Variants in PLS1 observed in about 807,000 individuals in gnomAD.
PLS1 encodes the protein plastin 1, also known as plastin-1.
PLS1 carries 32 observed loss-of-function variants against 73.7 expected under a neutral mutation model. The observed-to-expected ratio is 0.43, with a 90% CI of 0.33 to 0.58. The LOEUF (loss-of-function observed/expected upper bound fraction) is 0.58. Ranked by LOEUF, PLS1 falls within the 20% of genes least tolerant of loss-of-function variation. The probability of loss-of-function intolerance (pLI) is 0.04; values close to 1 mark genes in which losing one functional copy is unlikely to be tolerated. For missense variants in PLS1, 633 were observed against 740.5 expected, an observed-to-expected ratio of 0.85 and a Z score of 1.68; for synonymous variants, 217 against 261.3, an observed-to-expected ratio of 0.83 and a Z score of 1.63.
chr3:142,612,189 C>T (rs1027513756), intron 1 of PLS1, among the ~76,000 whole-genome samples: 3 of 152,174 alleles, frequency 2.0e-5, no homozygotes, highest in Admixed American at 6.5e-5. Context: ...ACTGGTTTAA[C>T]TTTAACTTGT....
intron 13 of PLS1, 37 bp from the exon 14 acceptor site, chr3:142,704,426 C>T (rs779993662): frequency 6.5e-7 from 1 of 1,543,222 alleles, no homozygotes; most frequent in Admixed American, 1.9e-5. Context: ...CAAATTTCAC[C>T]CTTTTCAGTC....
intron 1 of PLS1, among the ~76,000 whole-genome samples, chr3:142,647,634 C>G (rs1398261590): frequency 6.6e-6 from 1 of 151,996 alleles, no homozygotes; most frequent in Non-Finnish European, 1.5e-5. Context: ...TCCCAAGTAG[C>G]TGGGATTACA....
intron 1 of PLS1, among the ~76,000 whole-genome samples, chr3:142,597,818 C>G (rs6414350): frequency 0.59 from 89,002 of 152,064 alleles, 26,483 homozygotes; most frequent in African/African-American, 0.7. Flanking sequence ...ATTAAACTTC[C>G]TTTTTCTCTT....
chr3:142,706,854 C>A (rs990604553), intron 14 of PLS1, among the ~76,000 whole-genome samples: 1 of 152,014 alleles, frequency 6.6e-6, no homozygotes, highest in African/African-American at 2.4e-5. Context: ...AAACAGATAA[C>A]ACTAATAGAA....
chr3:142,680,995 T>C (rs539188803), intron 6 of PLS1, among the ~76,000 whole-genome samples: 1 of 152,268 alleles, frequency 6.6e-6, no homozygotes, highest in South Asian at 2.1e-4. Context: ...TTAACCTGTG[T>C]CCTTCATTTG....
chr3:142,640,369 G>A (rs2036804897), intron 1 of PLS1, among the ~76,000 whole-genome samples: 1 of 152,116 alleles, frequency 6.6e-6, no homozygotes, highest in Admixed American at 6.5e-5. Flanking sequence ...AGTTTTCAGA[G>A]ATAACTTGAA....
chr3:142,664,246 C>T lies in PLS1; in HGVS notation c.9C>T (p.Asn3=), dbSNP rs745712760. 1.3e-6 allele frequency: 2 copies of T among 1,571,670 alleles called. No homozygotes were observed. Among genetic ancestry groups the T allele is most frequent in the East Asian group, 4.5e-5 (2 of 44,452 alleles). ...GTCTTTTCTGTCCAAAGATGGAAAA[C>T]AGTACTACTACCATTTCTCGGGAGG... The part of the protein sequence containing the change: ME[N]STTTISREEL... The change falls in exon 2 of 16, where the codon AAC becomes AAT. Residue 3 remains asparagine, a synonymous_variant. Transcript: ENST00000457734.
At chr3:142,690,026 T>C (rs2038055573) in intron 10 of PLS1, among the ~76,000 whole-genome samples, 1 of 152,172 alleles carries the variant, frequency 6.6e-6, no homozygotes, top group Admixed American at 6.5e-5. Flanking sequence ...CATAAGAGGT[T>C]AGTGAAAACT....
chr3:142,683,953 A>G, intron 6 of PLS1, 53 bp from the exon 7 acceptor site: 2 of 1,335,972 alleles, frequency 1.5e-6, no homozygotes, highest in Admixed American at 4.3e-5. Context: ...ATTTTTATAG[A>G]TAAGACCTTA....
intron 2 of PLS1, among the ~76,000 whole-genome samples, chr3:142,668,984 A>G (rs2037541163): frequency 6.6e-6 from 1 of 152,166 alleles, no homozygotes; most frequent in African/African-American, 2.4e-5. Flanking sequence ...TAAAATATAT[A>G]TGGTGGCCCT....
At chr3:142,706,955 G>A (rs975888459) in intron 14 of PLS1, among the ~76,000 whole-genome samples, 4 of 152,118 alleles carry the variant, frequency 2.6e-5, no homozygotes, top group African/African-American at 9.7e-5. Flanking sequence ...GAAAATGGGG[G>A]TGGTGAAAGG....
intron 1 of PLS1, among the ~76,000 whole-genome samples, chr3:142,652,095 G>GAACCA (rs2037107533): frequency 6.6e-6 from 1 of 152,196 alleles, no homozygotes; most frequent in Admixed American, 6.5e-5. Flanking sequence ...AGGACTTCAG[G>GAACCA]AACCAGCAAG....
chr3:142,620,217 C>G (rs956172196), intron 1 of PLS1, among the ~76,000 whole-genome samples: 1 of 152,052 alleles, frequency 6.6e-6, no homozygotes, highest in African/African-American at 2.4e-5. Context: ...CTCCGCCTCC[C>G]AGGTTCAAGT....
intron 10 of PLS1, among the ~76,000 whole-genome samples, chr3:142,693,257 A>G (rs2038122552): frequency 6.6e-6 from 1 of 152,198 alleles, no homozygotes; most frequent in South Asian, 2.1e-4. Flanking sequence ...GATTTCCTGA[A>G]CAGTTGGCAC....
chr3:142,614,677 C>T (rs1021992911), intron 1 of PLS1, among the ~76,000 whole-genome samples: 4 of 152,178 alleles, frequency 2.6e-5, no homozygotes, highest in Non-Finnish European at 4.4e-5. Flanking sequence ...GTCCCTTTGG[C>T]AGCCAGGAGA....
Position 142,694,649 on chromosome 3 carries a change from T to C in PLS1, c.1256+102T>C, listed in dbSNP as rs948764360. 10 of 622,398 alleles carry C rather than the reference T, an allele frequency of 1.6e-5. No homozygotes were observed. In the African/African-American group the frequency reaches 1.7e-4, roughly 11 times the overall value. The allele number at this position is 622,398 out of a possible 1,614,324, so 38.6% of individuals were successfully genotyped here. On this transcript the variant is annotated intron_variant, in intron 11 of 15. Transcript: ENST00000457734. ...GGAACATTTTCTCAAGTTGCAAGAA[T>C]TTTAGCCAATTTTTAGAGTTTCAGG...
chr3:142,694,698 G>T, intron 11 of PLS1, 151 bp downstream of exon 11: 1 of 531,262 alleles, frequency 1.9e-6, no homozygotes, highest in Non-Finnish European at 3.3e-6. Context: ...GCAATACAAT[G>T]GATTTTAAAA....
Position 142,639,962 on chromosome 3 carries a change from C to T in PLS1, c.-36-24240C>T, listed in dbSNP as rs561954360. Among the ~76,000 whole-genome samples, 3 of 152,236 alleles carry T rather than the reference C, an allele frequency of 2.0e-5. No individual in the cohort carries two copies. In the South Asian group the frequency reaches 6.2e-4, roughly 32 times the overall value. On this transcript the variant is annotated intron_variant, in intron 1 of 15. Transcript: ENST00000457734. ...TATATTACTAGTTCTACATGTATTT[C>T]AAGTGTCTAACGAAGCCTCGAAAAA...
intron 8 of PLS1, 152 bp from the exon 9 acceptor site, chr3:142,686,132 T>C (rs529422461): frequency 9.2e-5 from 55 of 600,616 alleles, no homozygotes; most frequent in East Asian, 5.6e-4. Context: ...AACAGCATGG[T>C]ACATTCAGGA....
Sources: allele counts gnomAD v4.1 joint callset (sites outside exome capture counted in the v4.1 genomes callset), GRCh38; gene constraint gnomAD v4.1.1; transcripts MANE v1.5; gene names NCBI Gene and HGNC (gene_info 2026-07-23, HGNC 2026-07-21).